Variants in PEX5L observed in about 807,000 individuals in gnomAD.
PEX5L encodes the protein peroxisomal biogenesis factor 5 like.
In PEX5L, 30 loss-of-function variants were observed where a neutral mutation model predicts 84.0. That is an observed-to-expected ratio of 0.36 (90% CI 0.27 to 0.48). PEX5L has a LOEUF of 0.48. Ranked by LOEUF, PEX5L falls within the 20% of genes least tolerant of loss-of-function variation. The pLI is 0.99. For missense variants in PEX5L, 533 were observed against 754.6 expected (o/e 0.71, Z 3.44); for synonymous variants, 270 against 283.1 (o/e 0.95, Z 0.46).
intron 1 of PEX5L, among the ~76,000 whole-genome samples, chr3:180,017,622 T>G (rs2110493296): frequency 6.6e-6 from 1 of 152,058 alleles, no homozygotes; most frequent in East Asian, 1.9e-4. Flanking sequence ...TCCATATACT[T>G]TATATATAAT....
chr3:180,036,890 G>T lies in PEX5L; in HGVS notation c.-291C>A. 1 of 519,238 alleles carries T rather than the reference G, an allele frequency of 1.9e-6. No individual in the cohort carries two copies. Among genetic ancestry groups the T allele is most frequent in the Non-Finnish European group, 3.5e-6 (1 of 284,838 alleles). 32.2% of individuals were successfully genotyped at this position (519,238 alleles called of 1,614,324 possible). On this transcript the variant is annotated 5_prime_UTR_variant, in exon 1 of 15. Coordinates refer to ENST00000467460, the MANE Select transcript of PEX5L (RefSeq NM_016559.3). ...TGCAGGCGCGGGTCCTGCTCGCGGG[G>T]CGTCTCTAGAACTCACTCCTTCTTC...
chr3:179,809,073 CAAAA>C (rs10684376), intron 12 of PEX5L, among the ~76,000 whole-genome samples: 663 of 47,744 alleles, frequency 0.014, 5 homozygotes, highest in African/African-American at 0.052. Context: ...GATTCCGCCT[CAAAA>C]AAAAAAAAAA....
chr3:180,036,771 C>CCGA lies in PEX5L; in HGVS notation c.-173_-172insTCG. ...GGCCGGCGGCCACTCGGCAGCGCTG[C>CCGA]GGGCTGCCGGGAACTGTTCTCCGCT... On this transcript the variant is annotated 5_prime_UTR_variant, in exon 1 of 15. Coordinates refer to ENST00000467460, the MANE Select transcript of PEX5L (RefSeq NM_016559.3). 2 of 683,040 alleles carry CCGA rather than the reference C, an allele frequency of 2.9e-6. No individual in the cohort carries two copies. Among genetic ancestry groups the CCGA allele is most frequent in the Non-Finnish European group, 5.3e-6 (2 of 374,738 alleles). The allele number at this position is 683,040 out of a possible 1,614,324, so 42.3% of individuals were successfully genotyped here. A position where few individuals can be genotyped will look rare whatever the true frequency, so the allele number is the denominator to read the frequency against.
At chr3:179,982,153 G>T (rs1167210484) in intron 1 of PEX5L, among the ~76,000 whole-genome samples, 1 of 152,146 alleles carries the variant, frequency 6.6e-6, no homozygotes, top group Non-Finnish European at 1.5e-5. Context: ...GGTAGAGTAA[G>T]GGACACTTGA....
chr3:179,818,005 T>C (rs773099349), intron 9 of PEX5L, among the ~76,000 whole-genome samples: 2 of 152,172 alleles, frequency 1.3e-5, no homozygotes, highest in Non-Finnish European at 2.9e-5. Context: ...TCTAATTTTA[T>C]GAGATTGCCT....
chr3:179,874,627 ATTATC>A (rs1467610039), intron 6 of PEX5L, among the ~76,000 whole-genome samples: 3 of 149,584 alleles, frequency 2.0e-5, no homozygotes, highest in Non-Finnish European at 2.9e-5. Flanking sequence ...GCTAGGTGTT[ATTATC>A]TTCGATTAAA....
intron 8 of PEX5L, chr3:179,820,196 C>T: frequency 1.7e-6 from 1 of 579,546 alleles, no homozygotes; most frequent in Non-Finnish European, 3.0e-6. Flanking sequence ...AAATAACTAC[C>T]ATCAGAAAGA....
At chr3:179,929,358 C>T (rs563743225) in intron 2 of PEX5L, among the ~76,000 whole-genome samples, 2 of 152,162 alleles carry the variant, frequency 1.3e-5, no homozygotes, top group African/African-American at 4.8e-5. Flanking sequence ...AAGTTGATTC[C>T]TCATTTAAAA....
chr3:179,916,212 G>A (rs1339018412), intron 2 of PEX5L, among the ~76,000 whole-genome samples: 2 of 152,130 alleles, frequency 1.3e-5, no homozygotes, highest in African/African-American at 2.4e-5. Flanking sequence ...CAATTTGATT[G>A]TCGTGTGGAC....
chr3:179,820,891 G>A (rs1351563308), intron 8 of PEX5L, among the ~76,000 whole-genome samples: 1 of 151,956 alleles, frequency 6.6e-6, no homozygotes, highest in African/African-American at 2.4e-5. Flanking sequence ...GAAAGAGATG[G>A]AGGGTGGCAG....
intron 1 of PEX5L, among the ~76,000 whole-genome samples, chr3:179,999,375 A>G (rs1488153115): frequency 1.3e-5 from 2 of 152,158 alleles, no homozygotes; most frequent in Non-Finnish European, 2.9e-5. Context: ...TCATCGCCCA[A>G]TGGTCCCATG....
intron 2 of PEX5L, among the ~76,000 whole-genome samples, chr3:179,954,871 C>T (rs1022593471): frequency 3.9e-5 from 6 of 151,906 alleles, no homozygotes; most frequent in African/African-American, 7.3e-5. Context: ...TGCTCAACAA[C>T]GTGAATTCCC....
chr3:179,920,394 C>T (rs1453067615), intron 2 of PEX5L, among the ~76,000 whole-genome samples: 1 of 152,134 alleles, frequency 6.6e-6, no homozygotes, highest in East Asian at 1.9e-4. Context: ...AAGCATCCAT[C>T]CCTCAGCTTT....
rs74878206 is a variant in PEX5L, at chr3:180,029,803, C to T, written c.21+6776G>A. ...GAGTTGGACTTGAGATTCTGCATTT[C>T]CAATAAGCTCCCATGTATCTCATGT... On this transcript the variant is annotated intron_variant, in intron 1 of 14. Transcript: ENST00000467460. 8.0e-3 allele frequency among the ~76,000 whole-genome samples: 1,218 copies of T among 152,238 alleles called. 22 individuals are homozygous for T. The highest frequency in any genetic ancestry group is 0.028 in the African/African-American group (1,166 of 41,514).
chr3:179,975,164 G>C (rs969965422), intron 1 of PEX5L, among the ~76,000 whole-genome samples: 1 of 152,092 alleles, frequency 6.6e-6, no homozygotes, highest in Non-Finnish European at 1.5e-5. Context: ...ACTCCAGCCT[G>C]GGTGACAGAG....
At chr3:179,948,186 T>C (rs987288313) in intron 2 of PEX5L, among the ~76,000 whole-genome samples, 17 of 152,200 alleles carry the variant, frequency 1.1e-4, no homozygotes, top group Non-Finnish European at 1.6e-4. Flanking sequence ...TTATAATTCA[T>C]AGCAAAGGGC....
At chr3:180,013,101 C>G (rs1789634266) in intron 1 of PEX5L, among the ~76,000 whole-genome samples, 2 of 152,148 alleles carry the variant, frequency 1.3e-5, no homozygotes, top group Non-Finnish European at 2.9e-5. Context: ...ATCAGTTTTG[C>G]TGTCTTGGGT....
chr3:179,955,811 C>CA (rs1461758918), intron 2 of PEX5L, among the ~76,000 whole-genome samples: 2 of 151,990 alleles, frequency 1.3e-5, no homozygotes, highest in Non-Finnish European at 2.9e-5. Flanking sequence ...AATAATCACT[C>CA]AAAAAACCCA....
rs1221731047 is a variant in PEX5L at position 179,879,932 on chromosome 3, G to A, written c.502C>T (p.Leu168=). Residue 168 remains leucine (L), a synonymous_variant, in exon 5 of 15, where the codon CTA becomes TTA. Transcript: ENST00000467460. The stretch of plus-strand genomic sequence containing the variant: ...TAGCCGCAAGCGATTGCCTTACCTA[G>A]ATCTAAGGATGAAGTCTCCGGGACT... ...LRVPETSSLD[L]DIQTQLEKWD... 3 of 1,581,130 alleles carry A rather than the reference G, an allele frequency of 1.9e-6. No homozygotes were observed. The highest frequency in any genetic ancestry group is 4.5e-5 in the East Asian group (2 of 44,518).
Sources: allele counts gnomAD v4.1 joint callset (sites outside exome capture counted in the v4.1 genomes callset), GRCh38; gene constraint gnomAD v4.1.1; transcripts MANE v1.5; gene names NCBI Gene and HGNC (gene_info 2026-07-23, HGNC 2026-07-21).